The following JAKMIP2 variants were observed in gnomAD, a reference collection of about 807,000 sequenced individuals.
JAKMIP2 encodes the protein janus kinase and microtubule interacting protein 2.
JAKMIP2 carries 25 observed loss-of-function variants against 115.0 expected under a neutral mutation model. The ratio of observed to expected loss-of-function variants is 0.22; its 90% CI spans 0.16 to 0.30. The LOEUF (loss-of-function observed/expected upper bound fraction) is 0.30. JAKMIP2 is among the 10% of genes least tolerant of loss of function. JAKMIP2 has a pLI of 1.00. For synonymous variants in JAKMIP2, 334 were observed against 343.6 expected, an observed-to-expected ratio of 0.97 and a Z score of 0.31; for missense variants, 642 against 957.6, an observed-to-expected ratio of 0.67 and a Z score of 4.35.
chr5:147,722,459 C>T lies in JAKMIP2; in HGVS notation c.-148-50505G>A, dbSNP rs760515671. ...TAGCAGCTTTTTCCTAAAAATTCCT[C>T]TTCATGATTTCCCAAATCTCTAAAT... is the stretch of plus-strand genomic sequence containing the variant. On this transcript the variant is annotated intron_variant, in intron 1 of 21. Coordinates refer to ENST00000616793, the MANE Select transcript of JAKMIP2 (RefSeq NM_001270941.2). 5.9e-5 allele frequency among the ~76,000 whole-genome samples: 9 copies of T among 152,170 alleles called. No homozygotes were observed. In the South Asian group the frequency reaches 1.0e-3, roughly 18 times the overall value.
chr5:147,775,228 T>A (rs1755512958), intron 1 of JAKMIP2, among the ~76,000 whole-genome samples: 1 of 152,208 alleles, frequency 6.6e-6, no homozygotes, highest in African/African-American at 2.4e-5. Context: ...ATATTTGATT[T>A]CAAAACTCTC....
chr5:147,634,340 T>C (rs1757508976), intron 12 of JAKMIP2, among the ~76,000 whole-genome samples: 2 of 152,154 alleles, frequency 1.3e-5, no homozygotes, highest in South Asian at 2.1e-4. Flanking sequence ...AGAAATATAA[T>C]AACACTTATT....
Position 147,714,861 on chromosome 5 carries a change from T to C in JAKMIP2, c.-148-42907A>G, listed in dbSNP as rs149393746. Among the ~76,000 whole-genome samples, 710 of 152,296 alleles carry C rather than the reference T, an allele frequency of 4.7e-3. 4 individuals carry two copies. Among genetic ancestry groups the C allele is most frequent in the South Asian group, 0.019 (93 of 4,824 alleles). ...CAAGAATGAAGGTAAAACAAAGATG[T>C]TTTAGATGCACACTGAAGAAAAATC... On this transcript the variant is annotated intron_variant, in intron 1 of 21. Transcript: ENST00000616793.
intron 21 of JAKMIP2, among the ~76,000 whole-genome samples, chr5:147,599,267 A>C (rs1755567193): frequency 6.6e-6 from 1 of 152,010 alleles, no homozygotes; most frequent in South Asian, 2.1e-4. Flanking sequence ...TCAACACAAC[A>C]CCCTGCTGTA....
chr5:147,722,262 G>GAATTTTATAAA (rs1753342788), intron 1 of JAKMIP2, among the ~76,000 whole-genome samples: 2 of 152,086 alleles, frequency 1.3e-5, no homozygotes, highest in African/African-American at 4.8e-5. Flanking sequence ...ATAAATACCT[G>GAATTTTATAAA]TGCAATCATT....
At chr5:147,636,395 G>T in intron 11 of JAKMIP2, 111 bp from the exon 12 acceptor site, 3 of 808,812 alleles carry the variant, frequency 3.7e-6, no homozygotes, top group South Asian at 3.2e-5. Flanking sequence ...TTGTTTGCCT[G>T]CCAAAGACTG....
chr5:147,661,255 C>A lies in JAKMIP2; in HGVS notation c.320G>T (p.Arg107Leu), dbSNP rs772282484. The A allele has an allele frequency of 1.2e-6, 2 of 1,613,964 alleles. No individual in the cohort carries two copies. Reference protein sequence around the residue: ...EQEMSRTVKVRDGEIQRLKSA... With the variant: ...EQEMSRTVKVLDGEIQRLKSA... ...CTTGAGCCTCTGGATCTCTCCATCA[C>A]GTACCTTCACCGTCCTTGACATTTC... Residue 107 changes from arginine (R) to leucine (L), a missense_variant, in exon 3 of 22, where the codon CGT (arginine) becomes CTT (leucine). By Grantham distance (102) the Arg-to-Leu change is moderately radical (BLOSUM62 -2). Around this residue, in one of 6 missense-constraint regions of JAKMIP2, gnomAD observed 439 missense variants for 570.9 expected, o/e 0.77. Coordinates refer to ENST00000616793, the MANE Select transcript of JAKMIP2 (RefSeq NM_001270941.2).
intron 2 of JAKMIP2, among the ~76,000 whole-genome samples, chr5:147,665,044 G>A (rs1759224296): frequency 1.3e-5 from 2 of 152,042 alleles, no homozygotes; most frequent in Non-Finnish European, 2.9e-5. Context: ...GTTTCTCTTG[G>A]TGCTTCAATA....
At chr5:147,727,910 C>A (rs1753582741) in intron 1 of JAKMIP2, among the ~76,000 whole-genome samples, 2 of 151,936 alleles carry the variant, frequency 1.3e-5, no homozygotes, top group South Asian at 4.2e-4. Flanking sequence ...CATGAGAGGA[C>A]CTAAGATAAT....
intron 1 of JAKMIP2, among the ~76,000 whole-genome samples, chr5:147,738,653 AAG>A (rs1161716197): frequency 1.3e-5 from 2 of 152,168 alleles, no homozygotes; most frequent in Non-Finnish European, 2.9e-5. Flanking sequence ...TTCAGAAAAA[AAG>A]TTTCACAATC....
intron 1 of JAKMIP2, among the ~76,000 whole-genome samples, chr5:147,717,280 G>C (rs1386978081): frequency 7.5e-6 from 1 of 133,518 alleles, no homozygotes; most frequent in East Asian, 2.2e-4. Flanking sequence ...CAGGTAGTGT[G>C]ATGCCTCCAG....
intron 1 of JAKMIP2, among the ~76,000 whole-genome samples, chr5:147,727,672 A>G (rs1196489722): frequency 6.6e-6 from 1 of 152,210 alleles, no homozygotes; most frequent in African/African-American, 2.4e-5. Flanking sequence ...AAAACATCTC[A>G]TAGGATAGTA....
chr5:147,702,622 AAG>A (rs1491233963), intron 1 of JAKMIP2, among the ~76,000 whole-genome samples: 2 of 122,970 alleles, frequency 1.6e-5, no homozygotes, highest in Admixed American at 1.7e-4. Flanking sequence ...GAAAGAAAGA[AAG>A]AAAGAAAGAA....
intron 1 of JAKMIP2, among the ~76,000 whole-genome samples, chr5:147,758,608 TAA>T (rs1455912448): frequency 6.6e-6 from 1 of 152,124 alleles, no homozygotes. Flanking sequence ...TAATTGAATA[TAA>T]AAGTGTTTTG....
intron 1 of JAKMIP2, among the ~76,000 whole-genome samples, chr5:147,713,790 G>A (rs890186582): frequency 6.6e-6 from 1 of 152,126 alleles, no homozygotes; most frequent in African/African-American, 2.4e-5. Flanking sequence ...GGGGCTAGAT[G>A]GAAATAGCTG....
rs529223797 is a variant in JAKMIP2 at position 147,733,623 on chromosome 5, C to G, written c.-149+48833G>C. On this transcript the variant is annotated intron_variant, in intron 1 of 21. Transcript: ENST00000616793. The stretch of plus-strand genomic sequence containing the variant: ...ATGCTGTCCCTCCCCTACTCTCCCA[C>G]CCGCTGACAGGCCCCGGTGCGTGAT... Among the ~76,000 whole-genome samples, 17 of 152,242 alleles carry G rather than the reference C, an allele frequency of 1.1e-4. 1 individual carries two copies. The South Asian group carries it at 1.7e-3, about 15-fold the overall frequency.
intron 1 of JAKMIP2, among the ~76,000 whole-genome samples, chr5:147,705,967 T>C (rs1369970857): frequency 1.3e-5 from 2 of 152,206 alleles, no homozygotes; most frequent in Non-Finnish European, 2.9e-5. Context: ...CAATTGAAAA[T>C]GTAAGTAGCC....
At chr5:147,750,691 C>T (rs559398212) in intron 1 of JAKMIP2, among the ~76,000 whole-genome samples, 94 of 152,108 alleles carry the variant, frequency 6.2e-4, no homozygotes, top group Middle Eastern at 3.4e-3. Flanking sequence ...GCCTTAACCC[C>T]GATCCCAACG....
At chr5:147,615,348 T>C (rs562878463) in intron 19 of JAKMIP2, among the ~76,000 whole-genome samples, 1 of 152,282 alleles carries the variant, frequency 6.6e-6, no homozygotes, top group South Asian at 2.1e-4. Flanking sequence ...TGGAAACTAA[T>C]GGACACTTTA....
Sources: allele counts gnomAD v4.1 joint callset (sites outside exome capture counted in the v4.1 genomes callset), GRCh38; gene constraint gnomAD v4.1.1; regional missense constraint gnomAD v4.1.1; transcripts MANE v1.5; gene names NCBI Gene and HGNC (gene_info 2026-07-23, HGNC 2026-07-21).